The following PPP4R3B variants were observed in gnomAD, a reference collection of about 807,000 sequenced individuals.
PPP4R3B encodes serine/threonine-protein phosphatase 4 regulatory subunit 3B.
A neutral mutation model predicts 95.4 loss-of-function variants in PPP4R3B; 52 were observed. The observed-to-expected ratio is 0.54, with a 90% CI of 0.44 to 0.69. PPP4R3B has a LOEUF of 0.69. PPP4R3B is among the 30% of genes least tolerant of loss of function. PPP4R3B has a pLI of 0.00. For synonymous variants in PPP4R3B, 407 were observed against 343.9 expected (o/e 1.18, Z -2.03); for missense variants, 1,003 against 1,005.9 (o/e 1.00, Z 0.04).
chr2:55,564,268 A>C, intron 15 of PPP4R3B, 45 bp downstream of exon 15: 1 of 1,464,668 alleles, frequency 6.8e-7, no homozygotes, highest in Non-Finnish European at 9.1e-7. Flanking sequence ...TAATTTCTGC[A>C]CTAAATAAGA....
rs147070002 is a variant in PPP4R3B at position 55,557,616 on chromosome 2, G to A, written c.2454+1159C>T. 3.6e-3 allele frequency among the ~76,000 whole-genome samples: 543 copies of A among 152,230 alleles called. 3 individuals carry two copies. Among genetic ancestry groups the A allele is most frequent in the African/African-American group, 0.011 (454 of 41,540 alleles). The stretch of plus-strand genomic sequence containing the variant: ...AATACCATGAAAATGCTATTGTCAA[G>A]AGCCTATCTCACTATACTACTGAAT... On this transcript the variant is annotated intron_variant, in intron 16 of 16. Coordinates refer to ENST00000616407, the MANE Select transcript of PPP4R3B (RefSeq NM_001122964.3).
intron 16 of PPP4R3B, among the ~76,000 whole-genome samples, chr2:55,552,816 C>G (rs1339536922): frequency 1.3e-5 from 2 of 152,170 alleles, no homozygotes; most frequent in Non-Finnish European, 2.9e-5. Context: ...GTTGCCAAGG[C>G]ATTTTTGGAA....
In PPP4R3B at chr2:55,548,188, T is replaced by A. The variant is rs528152456; in HGVS notation, c.*1723A>T. 4.6e-5 allele frequency: 7 copies of A among 152,538 alleles called. No individual in the cohort carries two copies. Among genetic ancestry groups the A allele is most frequent in the African/African-American group, 1.7e-4 (7 of 41,592 alleles). The allele number at this position is 152,538 out of a possible 1,614,324, so 9.4% of individuals were successfully genotyped here. Reference sequence around the variant, plus strand: ...TTCCCCAAGGCTTACCTTCTATAAGTAGTCACTGATAAAGTGCCATTGACC... The same window carrying A: ...TTCCCCAAGGCTTACCTTCTATAAGAAGTCACTGATAAAGTGCCATTGACC... On this transcript the variant is annotated 3_prime_UTR_variant, in exon 17 of 17. Coordinates refer to ENST00000616407, the MANE Select transcript of PPP4R3B (RefSeq NM_001122964.3).
At chr2:55,598,294 C>T in intron 4 of PPP4R3B, 122 bp downstream of exon 4, 1 of 999,726 alleles carries the variant, frequency 1.0e-6, no homozygotes. Flanking sequence ...TTTAAATGTA[C>T]TTAATAGTAC....
intron 2 of PPP4R3B, among the ~76,000 whole-genome samples, chr2:55,607,934 T>G (rs76778590): frequency 6.6e-6 from 1 of 152,204 alleles, no homozygotes; most frequent in Non-Finnish European, 1.5e-5. Flanking sequence ...AGGTAAACAT[T>G]GAAAGAGAAG....
chr2:55,589,981 TTAATA>T (rs1157119492), intron 4 of PPP4R3B, among the ~76,000 whole-genome samples: 2 of 144,364 alleles, frequency 1.4e-5, no homozygotes, highest in South Asian at 2.1e-4. Flanking sequence ...ATATATATAT[TTAATA>T]TATTATATAT....
At chr2:55,565,811 T>A (rs536535099) in intron 13 of PPP4R3B, 5 of 178,954 alleles carry the variant, frequency 2.8e-5, no homozygotes, top group African/African-American at 4.7e-5. Flanking sequence ...AAGAGATCTC[T>A]CTCAAGCCTT....
chr2:55,590,043 G>A (rs1690782153), intron 4 of PPP4R3B, among the ~76,000 whole-genome samples: 1 of 145,378 alleles, frequency 6.9e-6, no homozygotes, highest in Non-Finnish European at 1.5e-5. Flanking sequence ...AAATAAATTT[G>A]TGGGCCAGGT....
chr2:55,558,551 T>C (rs1218410175), intron 16 of PPP4R3B, among the ~76,000 whole-genome samples: 1 of 151,992 alleles, frequency 6.6e-6, no homozygotes, highest in Non-Finnish European at 1.5e-5. Context: ...GAGGTTGCAG[T>C]GAGCTGAGAT....
intron 15 of PPP4R3B, among the ~76,000 whole-genome samples, chr2:55,560,339 G>A (rs1232352657): frequency 4.6e-5 from 7 of 152,208 alleles, no homozygotes; most frequent in Admixed American, 3.9e-4. Flanking sequence ...AACTTATTCG[G>A]AACTGGAGTA....
At chr2:55,561,781 C>G (rs979162355) in intron 15 of PPP4R3B, among the ~76,000 whole-genome samples, 1 of 152,200 alleles carries the variant, frequency 6.6e-6, no homozygotes, top group African/African-American at 2.4e-5. Context: ...TGTCTGTACC[C>G]CCGTTGTATC....
chr2:55,589,105 T>G (rs1690595950), intron 4 of PPP4R3B, 149 bp from the exon 5 acceptor site: 1 of 542,500 alleles, frequency 1.8e-6, no homozygotes, highest in South Asian at 3.2e-5. Context: ...TGTGTTACAA[T>G]TTTCTAAAAT....
chr2:55,582,086 G>C (rs1012553394), intron 7 of PPP4R3B, among the ~76,000 whole-genome samples: 2 of 152,018 alleles, frequency 1.3e-5, no homozygotes, highest in African/African-American at 2.4e-5. Context: ...AAGATCACAT[G>C]ACCCTAAGAC....
Position 55,600,055 on chromosome 2 carries a change from A to G in PPP4R3B, c.298-1016T>C, listed in dbSNP as rs371297330. ...TTATTTCTCTCCAATGGTTCCTTCT[A>G]TTTCATCATTCTCCAATCCCCTTAA... On this transcript the variant is annotated intron_variant, in intron 3 of 16. Transcript: ENST00000616407. Among the ~76,000 whole-genome samples the G allele has an allele frequency of 3.9e-5, 6 of 152,274 alleles. No homozygotes were observed. In the East Asian group the frequency reaches 9.6e-4, roughly 24 times the overall value.
chr2:55,565,181 C>G, intron 13 of PPP4R3B, 140 bp from the exon 14 acceptor site: 1 of 622,538 alleles, frequency 1.6e-6, no homozygotes, highest in Non-Finnish European at 2.6e-6. Flanking sequence ...GTCCTGGTTT[C>G]TTTACACATG....
In PPP4R3B at chr2:55,588,917, T is replaced by C. The variant is rs113693724; in HGVS notation, c.961A>G (p.Thr321Ala). 1.2e-6 allele frequency: 2 copies of C among 1,610,774 alleles called. No individual in the cohort carries two copies. Among genetic ancestry groups the C allele is most frequent in the Non-Finnish European group, 1.7e-6 (2 of 1,178,178 alleles). Residue 321 changes from threonine to alanine, a missense_variant, in exon 5 of 17, where the codon ACA becomes GCA. By Grantham distance (58) the Thr-to-Ala change is moderately conservative (BLOSUM62 0). Around this residue, in one of 3 missense-constraint regions of PPP4R3B, gnomAD observed 695 missense variants for 686.2 expected, o/e 1.01. Transcript: ENST00000616407. Reference protein sequence around the residue: ...KFLSEVFAQLTDEATDDDKRR... With the variant: ...KFLSEVFAQLADEATDDDKRR... ...TTATCATCATCTGTAGCCTCATCTG[T>C]TAATTGTGCAAAAACTTCAGACAAA...
At chr2:55,601,099 C>G (rs2103706495) in intron 3 of PPP4R3B, among the ~76,000 whole-genome samples, 1 of 141,310 alleles carries the variant, frequency 7.1e-6, no homozygotes, top group Non-Finnish European at 1.5e-5. Flanking sequence ...GAGCTTAGAT[C>G]ACACCACTGC....
intron 16 of PPP4R3B, among the ~76,000 whole-genome samples, chr2:55,556,979 G>C (rs186194858): frequency 6.6e-6 from 1 of 152,166 alleles, no homozygotes; most frequent in Non-Finnish European, 1.5e-5. Context: ...GGGAGGATCA[G>C]TTGAGCCCAG....
chr2:55,609,771 C>T (rs928284635), intron 2 of PPP4R3B, among the ~76,000 whole-genome samples: 1 of 150,404 alleles, frequency 6.6e-6, no homozygotes, highest in South Asian at 2.1e-4. Context: ...AAGCACAAAA[C>T]AGTATACAGT....
Sources: allele counts gnomAD v4.1 joint callset (sites outside exome capture counted in the v4.1 genomes callset), GRCh38; gene constraint gnomAD v4.1.1; regional missense constraint gnomAD v4.1.1; transcripts MANE v1.5; gene names NCBI Gene and HGNC (gene_info 2026-07-23, HGNC 2026-07-21).